The following SNTG1 variants were observed in gnomAD, a reference collection of about 807,000 sequenced individuals.
The protein encoded by SNTG1 is syntrophin gamma 1, also known as gamma-1-syntrophin.
Under a neutral mutation model 74.7 loss-of-function variants are expected in SNTG1, and 39 were observed. That is an observed-to-expected ratio of 0.52 (90% CI 0.40 to 0.68). SNTG1 has a LOEUF of 0.68. Among genes scored for constraint, SNTG1 ranks in the 30% least tolerant of loss-of-function variants. The pLI is 0.00. For missense variants in SNTG1, 685 were observed against 609.5 expected, an observed-to-expected ratio of 1.12 and a Z score of -1.30; for synonymous variants, 254 against 217.1, an observed-to-expected ratio of 1.17 and a Z score of -1.49.
At chr8:50,157,160 C>T (rs890221372) in intron 1 of SNTG1, among the ~76,000 whole-genome samples, 3 of 152,020 alleles carry the variant, frequency 2.0e-5, no homozygotes, top group Middle Eastern at 3.2e-3. Flanking sequence ...ATATCAATAT[C>T]TATAGATGTA....
chr8:50,786,156 T>C (rs1563838555), intron 18 of SNTG1, among the ~76,000 whole-genome samples: 1 of 151,974 alleles, frequency 6.6e-6, no homozygotes, highest in Non-Finnish European at 1.5e-5. Flanking sequence ...TGGTACTAAC[T>C]AGTAAATGAC....
chr8:50,034,201 G>T (rs149870775), intron 1 of SNTG1, among the ~76,000 whole-genome samples: 43 of 152,206 alleles, frequency 2.8e-4, no homozygotes, highest in African/African-American at 1.0e-3. Context: ...AATAAATTCA[G>T]CAATTGGATC....
chr8:50,689,851 G>A (rs2095369728), intron 15 of SNTG1, among the ~76,000 whole-genome samples: 1 of 152,188 alleles, frequency 6.6e-6, no homozygotes, highest in African/African-American at 2.4e-5. Flanking sequence ...ACCTCTGGTA[G>A]AATACGGCTG....
intron 17 of SNTG1, among the ~76,000 whole-genome samples, chr8:50,741,220 G>A (rs2095542554): frequency 6.6e-6 from 1 of 151,974 alleles, no homozygotes; most frequent in Admixed American, 6.6e-5. Context: ...CACCTCCTGG[G>A]TTCAAGCAAT....
chr8:50,507,958 T>C (rs1052822787), intron 9 of SNTG1, among the ~76,000 whole-genome samples: 2 of 151,852 alleles, frequency 1.3e-5, no homozygotes, highest in African/African-American at 4.8e-5. Flanking sequence ...AGGGTACATG[T>C]ACACAACGTG....
chr8:50,396,578 C>T (rs926867586), intron 3 of SNTG1, among the ~76,000 whole-genome samples: 6 of 152,124 alleles, frequency 3.9e-5, no homozygotes, highest in Non-Finnish European at 8.8e-5. Flanking sequence ...CAAATTAAAT[C>T]GTATTTGGCA....
intron 1 of SNTG1, among the ~76,000 whole-genome samples, chr8:50,079,919 G>A (rs975311448): frequency 1.3e-5 from 2 of 152,102 alleles, no homozygotes; most frequent in Non-Finnish European, 2.9e-5. Context: ...ATCTGTTTTG[G>A]TATTAGTACT....
Position 50,087,371 on chromosome 8 carries a change from C to T in SNTG1, c.-102-85190C>T, listed in dbSNP as rs183910390. ...CTCAAATAGAGAGCTTCCACAGTTC[C>T]AGAGCAGCTGAAACTCTTAGTCATG... On this transcript the variant is annotated intron_variant, in intron 1 of 18. Transcript: ENST00000642720. Among the ~76,000 whole-genome samples the T allele has an allele frequency of 7.4e-4, 112 of 152,270 alleles. 2 individuals carry two copies. The highest frequency in any genetic ancestry group is 2.6e-3 in the African/African-American group (110 of 41,554).
At position 50,011,338 on chromosome 8, in the gene SNTG1, T is replaced by C. The variant is rs558225271; in HGVS notation, c.-103+99107T>C. Among the ~76,000 whole-genome samples, 14 of 152,270 alleles carry C rather than the reference T, an allele frequency of 9.2e-5. No homozygotes were observed. In the East Asian group the frequency reaches 2.5e-3, roughly 27 times the overall value. On this transcript the variant is annotated intron_variant, in intron 1 of 18. Transcript: ENST00000642720. ...TCTTGAAGGATGAAAATAATGTTTG[T>C]AAGAGCTAGACACTTAGTGCATGAT...
chr8:50,296,738 C>A (rs2089396024), intron 2 of SNTG1, among the ~76,000 whole-genome samples: 1 of 151,882 alleles, frequency 6.6e-6, no homozygotes, highest in African/African-American at 2.4e-5. Context: ...ATGTAACAAA[C>A]CTGAATGTTC....
chr8:50,188,983 G>A (rs1035039236), intron 2 of SNTG1, among the ~76,000 whole-genome samples: 1 of 152,122 alleles, frequency 6.6e-6, no homozygotes, highest in Non-Finnish European at 1.5e-5. Context: ...TGTGTTCTGG[G>A]CCTCACCCAG....
intron 1 of SNTG1, among the ~76,000 whole-genome samples, chr8:50,105,197 G>T (rs2080317899): frequency 6.6e-6 from 1 of 152,012 alleles, no homozygotes; most frequent in Non-Finnish European, 1.5e-5. Flanking sequence ...CTCTTGAGTT[G>T]ATTTATGTAT....
At position 50,538,094 on chromosome 8, in the gene SNTG1, G is replaced by C. The variant is rs1159643783; in HGVS notation, c.680+1286G>C. ...TGCATAGTTTTCTGACTGGTTGCTT[G>C]AGGTATTATAATATGTGTAGGTAAT... On this transcript the variant is annotated intron_variant, in intron 11 of 18. Coordinates refer to ENST00000642720, the MANE Select transcript of SNTG1 (RefSeq NM_018967.5). Among the ~76,000 whole-genome samples, 7 of 152,212 alleles carry C rather than the reference G, an allele frequency of 4.6e-5. 1 individual carries two copies. In the East Asian group the frequency reaches 1.4e-3, roughly 29 times the overall value.
intron 17 of SNTG1, among the ~76,000 whole-genome samples, chr8:50,748,722 G>C (rs2095560679): frequency 6.6e-6 from 1 of 151,836 alleles, no homozygotes; most frequent in South Asian, 2.1e-4. Context: ...AATTACATTT[G>C]TTATGGTGGC....
intron 2 of SNTG1, among the ~76,000 whole-genome samples, chr8:50,279,762 A>G (rs1439989819): frequency 6.6e-6 from 1 of 152,166 alleles, no homozygotes; most frequent in Admixed American, 6.6e-5. Context: ...CTTTGGGATT[A>G]AGTACCATCC....
chr8:50,749,323 A>C (rs1483125710), intron 17 of SNTG1, among the ~76,000 whole-genome samples: 1 of 152,054 alleles, frequency 6.6e-6, no homozygotes, highest in African/African-American at 2.4e-5. Context: ...GGTTGAAGCT[A>C]GCATAAGTTT....
chr8:50,097,259 A>T (rs1408905498), intron 1 of SNTG1, among the ~76,000 whole-genome samples: 1 of 152,170 alleles, frequency 6.6e-6, no homozygotes, highest in Non-Finnish European at 1.5e-5. Context: ...AATTGCTGAC[A>T]TAATATTCAA....
At chr8:50,335,983 T>A (rs1391864066) in intron 2 of SNTG1, among the ~76,000 whole-genome samples, 1 of 152,122 alleles carries the variant, frequency 6.6e-6, no homozygotes, top group Non-Finnish European at 1.5e-5. Flanking sequence ...CACAAAGGTC[T>A]TTCAGATGTT....
intron 4 of SNTG1, among the ~76,000 whole-genome samples, chr8:50,431,992 TAGC>T (rs2093242222): frequency 1.3e-5 from 2 of 152,224 alleles, no homozygotes; most frequent in African/African-American, 4.8e-5. Context: ...TTTATTCTCT[TAGC>T]AGTATCTTTC....
Sources: gnomAD v4.1 joint callset for allele counts (sites outside exome capture counted in the v4.1 genomes callset) on GRCh38, gnomAD v4.1.1 for gene constraint, MANE v1.5 for transcripts, NCBI Gene and HGNC (gene_info 2026-07-23, HGNC 2026-07-21) for gene names.